ANKRD17: variants seen among roughly 807,000 people sequenced by gnomAD.
ANKRD17 encodes the protein ankyrin repeat domain-containing protein 17.
A neutral mutation model predicts 229.7 loss-of-function variants in ANKRD17; 19 were observed. The ratio of observed to expected loss-of-function variants is 0.08; its 90% CI spans 0.06 to 0.12. ANKRD17 has a LOEUF of 0.12. Ranked by LOEUF, ANKRD17 falls within the 10% of genes least tolerant of loss-of-function variation. ANKRD17 has a pLI of 1.00. For synonymous variants in ANKRD17, 1,112 were observed against 1,146.1 expected (o/e 0.97, Z 0.60); for missense variants, 2,176 against 3,176.8 (o/e 0.68, Z 7.57).
At chr4:73,194,771 C>T (rs1737613126) in intron 1 of ANKRD17, among the ~76,000 whole-genome samples, 1 of 152,040 alleles carries the variant, frequency 6.6e-6, no homozygotes, top group Non-Finnish European at 1.5e-5. Flanking sequence ...CCACCATAGG[C>T]AAAAATTAAC....
At chr4:73,206,919 G>A (rs1374979359) in intron 1 of ANKRD17, among the ~76,000 whole-genome samples, 1 of 152,128 alleles carries the variant, frequency 6.6e-6, no homozygotes, top group African/African-American at 2.4e-5. Context: ...ACCCCACGGG[G>A]TTCAAGTGAT....
chr4:73,236,580 A>G (rs1183913772), intron 1 of ANKRD17, among the ~76,000 whole-genome samples: 3 of 152,192 alleles, frequency 2.0e-5, no homozygotes, highest in Non-Finnish European at 4.4e-5. Flanking sequence ...ATGTTGGAGG[A>G]GAATAGGTCT....
chr4:73,134,778 C>T lies in ANKRD17; in HGVS notation c.3234+339G>A, dbSNP rs191866561. On this transcript the variant is annotated intron_variant, in intron 16 of 33. Transcript: ENST00000358602. The stretch of plus-strand genomic sequence containing the variant: ...GAACCTTTTTTCTTTTACATGCAAT[C>T]CATTATATATTTCAAACCATATCTT... 3.8e-3 allele frequency among the ~76,000 whole-genome samples: 578 copies of T among 151,966 alleles called. 3 individuals carry two copies. The highest frequency in any genetic ancestry group is 0.017 in the Middle Eastern group (5 of 292).
chr4:73,216,422 C>A (rs1208023248), intron 1 of ANKRD17, among the ~76,000 whole-genome samples: 1 of 152,048 alleles, frequency 6.6e-6, no homozygotes, highest in African/African-American at 2.4e-5. Flanking sequence ...AGACCTAAGA[C>A]CAAAAGAATT....
Position 73,219,668 on chromosome 4 carries a change from C to A in ANKRD17, c.393+38608G>T, listed in dbSNP as rs565411777. 2.0e-5 allele frequency among the ~76,000 whole-genome samples: 3 copies of A among 152,268 alleles called. No individual in the cohort carries two copies. In the South Asian group the frequency reaches 6.2e-4, roughly 32 times the overall value. On this transcript the variant is annotated intron_variant, in intron 1 of 33. Coordinates refer to ENST00000358602, the MANE Select transcript of ANKRD17 (RefSeq NM_032217.5). ...CTCAACCCACTGTCCATAGACAGAA[C>A]CATAGAGAGTTGGCACTTTTATTTT...
intron 1 of ANKRD17, among the ~76,000 whole-genome samples, chr4:73,179,233 T>G (rs1197223786): frequency 6.6e-6 from 1 of 151,588 alleles, no homozygotes; most frequent in Non-Finnish European, 1.5e-5. Context: ...GGAATAACAT[T>G]TGAGATTTCA....
Position 73,123,853 on chromosome 4 carries a change from C to T in ANKRD17, c.3492+1060G>A, listed in dbSNP as rs866141087. Reference sequence around the variant, plus strand: ...GATGCTCAAATGGGAGGTAACAGTTCCCCAGTTCACTCGTCAGAATACCTT... The same window carrying T: ...GATGCTCAAATGGGAGGTAACAGTTTCCCAGTTCACTCGTCAGAATACCTT... On this transcript the variant is annotated intron_variant, in intron 18 of 33. Transcript: ENST00000358602. Among the ~76,000 whole-genome samples, 17 of 151,842 alleles carry T rather than the reference C, an allele frequency of 1.1e-4. No individual in the cohort carries two copies. In the South Asian group the frequency reaches 2.9e-3, roughly 26 times the overall value.
intron 25 of ANKRD17, chr4:73,098,975 C>A: frequency 4.0e-6 from 4 of 988,960 alleles, no homozygotes; most frequent in South Asian, 3.9e-5. Context: ...CAGTGAAGTG[C>A]CAACACCTAA....
rs1466869635 is a variant in ANKRD17, at chr4:73,091,013, G to A, written c.6615C>T (p.Val2205=). The change falls in exon 29 of 34, where the codon GTC becomes GTT. Residue 2205 remains valine, a synonymous_variant. Transcript: ENST00000358602. The part of the protein sequence containing the change: ...VQNSSVAVLS[V]NHIKRPHSVP... ...CACTGTGAGGTCTTTTAATGTGATTGACACTGAGGACTGCAACAGATGAAT... is the reference window on the plus strand; with the variant it reads ...CACTGTGAGGTCTTTTAATGTGATTAACACTGAGGACTGCAACAGATGAAT... The A allele has an allele frequency of 1.2e-6, 2 of 1,614,198 alleles. No homozygotes were observed. Among genetic ancestry groups the A allele is most frequent in the Admixed American group, 1.7e-5 (1 of 60,026 alleles).
rs778151640 is a variant in ANKRD17, at chr4:73,258,415, C to G, written c.254G>C (p.Ser85Thr). 1.9e-6 allele frequency: 3 copies of G among 1,610,828 alleles called. No homozygotes were observed. The highest frequency in any genetic ancestry group is 4.5e-5 in the East Asian group (2 of 44,790). Residue 85 changes from serine to threonine, a missense_variant, in exon 1 of 34, where the codon AGC (serine) becomes ACC (threonine). Around this residue, in one of 18 missense-constraint regions of ANKRD17, gnomAD observed 196 missense variants for 190.0 expected, o/e 1.03. Transcript: ENST00000358602. ...GTCGCTGTCGCTGCTGCTTTCGCTG[C>G]TGCTGGGGGGTCGGCAAGTCCGGTT... ...KRNRTCRPPSSSESSSDSDNS... is the reference protein window; with the variant it reads ...KRNRTCRPPSTSESSSDSDNS...
rs540586916 is a variant in ANKRD17, at chr4:73,119,041, C to A, written c.4026-191G>T. ...AGCTGGGACTACAGTCCCATGCCAC[C>A]ACGCTCAGCTAATTTTTAAATTTCT... On this transcript the variant is annotated intron_variant, in intron 21 of 33. Coordinates refer to ENST00000358602, the MANE Select transcript of ANKRD17 (RefSeq NM_032217.5). 1.1e-4 allele frequency among the ~76,000 whole-genome samples: 17 copies of A among 151,922 alleles called. No individual in the cohort carries two copies. The East Asian group carries it at 2.9e-3, about 26-fold the overall frequency.
At chr4:73,182,051 C>CAAAAAAAAAAAAAAAAAAA (rs143812968) in intron 1 of ANKRD17, among the ~76,000 whole-genome samples, 1 of 43,258 alleles carries the variant, frequency 2.3e-5, no homozygotes, top group African/African-American at 1.1e-4. Flanking sequence ...CCGTCCCCAC[C>CAAAAAAAAAAAAAAAAAAA]AAAAAAAAAA....
intron 1 of ANKRD17, among the ~76,000 whole-genome samples, chr4:73,249,608 G>C (rs1744804363): frequency 1.3e-5 from 2 of 152,218 alleles, no homozygotes; most frequent in Admixed American, 1.3e-4. Context: ...TATAATCCCA[G>C]CACTTTGGAA....
chr4:73,217,758 T>C (rs1741272471), intron 1 of ANKRD17, among the ~76,000 whole-genome samples: 1 of 152,162 alleles, frequency 6.6e-6, no homozygotes, highest in African/African-American at 2.4e-5. Context: ...AACTTTGTTT[T>C]CATGCACGAA....
intron 23 of ANKRD17, among the ~76,000 whole-genome samples, chr4:73,115,520 G>A (rs1160490260): frequency 6.6e-6 from 1 of 152,006 alleles, no homozygotes; most frequent in African/African-American, 2.4e-5. Context: ...GAACTCCTGG[G>A]CTCATGCAAT....
intron 1 of ANKRD17, among the ~76,000 whole-genome samples, chr4:73,231,647 T>C (rs1335380836): frequency 6.6e-6 from 1 of 152,108 alleles, no homozygotes; most frequent in African/African-American, 2.4e-5. Context: ...ATCTTCAAAG[T>C]GGTTATGTGG....
chr4:73,139,591 CTTG>C lies in ANKRD17; in HGVS notation c.3022_3024del (p.Gln1008del), dbSNP rs759324237. The C allele has an allele frequency of 5.0e-5, 80 of 1,614,052 alleles. No individual in the cohort carries two copies. The highest frequency in any genetic ancestry group is 5.3e-5 in the Non-Finnish European group (63 of 1,180,034). ...TGAGCAGGGCTGGCTACCATTAACC[CTTG>C]TTGTGTTTCTGTCAGAATTCCTTGC... On this transcript the variant is annotated inframe_deletion, in exon 15 of 34. Coordinates refer to ENST00000358602, the MANE Select transcript of ANKRD17 (RefSeq NM_032217.5).
intron 29 of ANKRD17, among the ~76,000 whole-genome samples, chr4:73,086,654 T>C (rs946975615): frequency 6.6e-6 from 1 of 151,330 alleles, no homozygotes; most frequent in African/African-American, 2.4e-5. Context: ...TGGCATGTGA[T>C]CATAGCTCAC....
chr4:73,171,178 G>A (rs1212978303), intron 2 of ANKRD17, among the ~76,000 whole-genome samples: 1 of 104,446 alleles, frequency 9.6e-6, no homozygotes, highest in African/African-American at 4.0e-5. Flanking sequence ...CTCAGAGGGG[G>A]GAGAGAGAGA....
Sources: allele counts gnomAD v4.1 joint callset (sites outside exome capture counted in the v4.1 genomes callset), GRCh38; gene constraint gnomAD v4.1.1; regional missense constraint gnomAD v4.1.1; transcripts MANE v1.5; gene names NCBI Gene and HGNC (gene_info 2026-07-23, HGNC 2026-07-21).